Variants in HTRA3 observed in about 807,000 individuals in gnomAD.
HTRA3 encodes HtrA serine peptidase 3, also known as serine protease HTRA3.
HTRA3 carries 41 observed loss-of-function variants against 43.2 expected under a neutral mutation model. That is an observed-to-expected ratio of 0.95 (90% CI 0.74 to 1.23). The LOEUF is 1.23. Among genes scored for constraint, HTRA3 ranks in the 50% most tolerant of loss-of-function variants. The probability of loss-of-function intolerance (pLI) is 0.00; values close to 1 mark genes in which losing one functional copy is unlikely to be tolerated. For missense variants in HTRA3, 628 were observed against 647.1 expected (o/e 0.97, Z 0.32); for synonymous variants, 295 against 287.9 (o/e 1.02, Z -0.25).
intron 8 of HTRA3, 32 bp downstream of exon 8, chr4:8,304,311 A>T: frequency 6.3e-7 from 1 of 1,577,852 alleles, no homozygotes; most frequent in South Asian, 1.1e-5. Flanking sequence ...CGCTCGAGGC[A>T]TGGGGCAGGC....
rs999693404 is a variant in HTRA3 at position 8,286,222 on chromosome 4, G to A, written c.486-339G>A. 6.6e-6 allele frequency among the ~76,000 whole-genome samples: 1 copy of A among 152,186 alleles called. No individual in the cohort carries two copies. The highest frequency in any genetic ancestry group is 2.4e-5 in the African/African-American group (1 of 41,444). ...AGATAATAAGTGGGTCCTGGACTTGGGATTAGCATCCTGGTCTGTCTGGCT... is the reference window on the plus strand; with the variant it reads ...AGATAATAAGTGGGTCCTGGACTTGAGATTAGCATCCTGGTCTGTCTGGCT... On this transcript the variant is annotated intron_variant, in intron 2 of 8. Transcript: ENST00000307358. This position sits in a 1 kb window ranked among gnomAD's most constrained non-coding sequence, Gnocchi z 4.9.
Position 8,296,492 on chromosome 4 carries a change from T to C in HTRA3, c.1051+2291T>C, listed in dbSNP as rs367901454. 3.5e-5 allele frequency: 34 copies of C among 985,158 alleles called. No individual in the cohort carries two copies. The East Asian group carries it at 1.1e-3, about 33-fold the overall frequency. The allele number at this position is 985,158 out of a possible 1,614,324, so 61.0% of individuals were successfully genotyped here. On this transcript the variant is annotated intron_variant, in intron 6 of 8. Coordinates refer to ENST00000307358, the MANE Select transcript of HTRA3 (RefSeq NM_053044.5). The surrounding 1 kb of genome is among the most constrained non-coding windows in gnomAD (Gnocchi z 5.3). ...GATCCAAACCCAGTTAATCTAAAGT[T>C]CTTTGAAATGAACCATCTTTTTATT...
intron 2 of HTRA3, among the ~76,000 whole-genome samples, chr4:8,284,022 G>A (rs1712861261): frequency 6.6e-6 from 1 of 152,202 alleles, no homozygotes; most frequent in Admixed American, 6.5e-5. Flanking sequence ...GGGTGTGAGA[G>A]CGCGTGACGG....
In HTRA3 at chr4:8,306,058, C is replaced by T. The variant is rs373070990; in HGVS notation, c.1284C>T (p.Thr428=). ...DSSELQEAVL[T]ESPLLLEVRR... ...GTGAGCTGCAGGAGGCCGTGCTGACCGAGTCTCCTCTCCTACTGGAGGTGC... is the reference window on the plus strand; with the variant it reads ...GTGAGCTGCAGGAGGCCGTGCTGACTGAGTCTCCTCTCCTACTGGAGGTGC... The change falls in exon 9 of 9, where the codon ACC becomes ACT. Residue 428 remains threonine (T), a synonymous_variant. Transcript: ENST00000307358. The surrounding 1 kb of genome is among the most constrained non-coding windows in gnomAD (Gnocchi z 8.9). The T allele has an allele frequency of 9.3e-6, 15 of 1,612,364 alleles. No individual in the cohort carries two copies. Among genetic ancestry groups the T allele is most frequent in the African/African-American group, 2.7e-5 (2 of 74,694 alleles).
intron 5 of HTRA3, among the ~76,000 whole-genome samples, chr4:8,293,114 A>G (rs756360018): frequency 2.0e-5 from 3 of 152,192 alleles, no homozygotes; most frequent in Admixed American, 6.5e-5. Flanking sequence ...GGGGACAATG[A>G]AAGGGGCTGG....
intron 1 of HTRA3, among the ~76,000 whole-genome samples, chr4:8,280,333 G>T (rs370785976): frequency 7.2e-5 from 11 of 152,132 alleles, no homozygotes; most frequent in African/African-American, 2.2e-4. Flanking sequence ...GGGCCTGGGG[G>T]TTGCCCTGGG....
intron 5 of HTRA3, among the ~76,000 whole-genome samples, 164 bp from the exon 6 acceptor site, chr4:8,293,923 C>T (rs1457168633): frequency 6.6e-6 from 1 of 151,936 alleles, no homozygotes; most frequent in Non-Finnish European, 1.5e-5. Flanking sequence ...GGGTCACTGA[C>T]ACAGGTGTGA....
chr4:8,293,218 C>T (rs1208941025), intron 5 of HTRA3, among the ~76,000 whole-genome samples: 1 of 152,130 alleles, frequency 6.6e-6, no homozygotes, highest in Non-Finnish European at 1.5e-5. Context: ...GGGCTGAGGC[C>T]GTGCCCTGGT....
At chr4:8,272,575 G>A (rs893120126) in intron 1 of HTRA3, among the ~76,000 whole-genome samples, 2 of 152,242 alleles carry the variant, frequency 1.3e-5, no homozygotes, top group Non-Finnish European at 2.9e-5. Context: ...TGCCTGATGG[G>A]CAACCCCCAG....
Position 8,295,654 on chromosome 4 carries a change from A to G in HTRA3, c.1051+1453A>G. 7.2e-7 allele frequency: 1 copy of G among 1,384,742 alleles called. No individual in the cohort carries two copies. The highest frequency in any genetic ancestry group is 9.4e-7 in the Non-Finnish European group (1 of 1,064,812). The allele number at this position is 1,384,742 out of a possible 1,614,324, so 85.8% of individuals were successfully genotyped here. A position where few individuals can be genotyped will look rare whatever the true frequency, so the allele number is the denominator to read the frequency against. ...CCTGGCCAACGCCCAGGCCTGACTC[A>G]GCAACTCACACTTCCACATTGCTTT... is the stretch of plus-strand genomic sequence containing the variant. On this transcript the variant is annotated intron_variant, in intron 6 of 8. Transcript: ENST00000307358. This position sits in a 1 kb window ranked among gnomAD's most constrained non-coding sequence, Gnocchi z 6.9.
At chr4:8,292,826 C>G (rs1383866346) in intron 5 of HTRA3, among the ~76,000 whole-genome samples, 2 of 152,138 alleles carry the variant, frequency 1.3e-5, no homozygotes. Context: ...ATCGGACGGT[C>G]CCACCCCTGA....
chr4:8,280,745 C>A (rs187103626), intron 1 of HTRA3, among the ~76,000 whole-genome samples: 7 of 152,158 alleles, frequency 4.6e-5, no homozygotes, highest in Admixed American at 4.6e-4. Context: ...GCCGGCGTCT[C>A]CCAGCCAGGC....
chr4:8,282,585 C>A, intron 2 of HTRA3, 49 bp downstream of exon 2: 2 of 1,399,378 alleles, frequency 1.4e-6, no homozygotes, highest in Non-Finnish European at 2.0e-6. Context: ...TCCCCTGGTA[C>A]ACCCGCCAGC....
chr4:8,291,620 C>G, intron 4 of HTRA3, 56 bp downstream of exon 4: 2 of 1,334,382 alleles, frequency 1.5e-6, no homozygotes, highest in Non-Finnish European at 2.0e-6. Context: ...AAGACCTCAA[C>G]CTCGAGGTGG....
chr4:8,305,790 C>G (rs1327510252), intron 8 of HTRA3, among the ~76,000 whole-genome samples, 181 bp from the exon 9 acceptor site: 1 of 152,004 alleles, frequency 6.6e-6, no homozygotes, highest in East Asian at 1.9e-4. Context: ...GTTTCCCTGT[C>G]GTGTGACATT....
At chr4:8,292,125 A>G (rs1183189348) in intron 4 of HTRA3, among the ~76,000 whole-genome samples, 196 bp from the exon 5 acceptor site, 1 of 152,218 alleles carries the variant, frequency 6.6e-6, no homozygotes, top group Non-Finnish European at 1.5e-5. Flanking sequence ...AGTGACAGTC[A>G]GACCTCGGTC....
intron 8 of HTRA3, 150 bp from the exon 9 acceptor site, chr4:8,305,821 G>A (rs1380070172): frequency 2.5e-6 from 2 of 787,862 alleles, no homozygotes; most frequent in Non-Finnish European, 4.2e-6. Context: ...TGGTGTGAGA[G>A]CTTTGGGGCT....
Position 8,282,419 on chromosome 4 carries a change from C to T in HTRA3, c.386-18C>T, listed in dbSNP as rs747157994. The T allele has an allele frequency of 1.3e-6, 2 of 1,599,308 alleles. No individual in the cohort carries two copies. Among genetic ancestry groups the T allele is most frequent in the East Asian group, 2.3e-5 (1 of 44,352 alleles). ...ATCGTGATCTCACTGATGCACCTGG[C>T]CCTTCCCGCCAGCGCAGGTCTCCAC... is the stretch of plus-strand genomic sequence containing the variant. On this transcript the variant is annotated intron_variant, in intron 1 of 8. Transcript: ENST00000307358.
Position 8,282,546 on chromosome 4 carries a change from T to C in HTRA3, c.485+10T>C. ...TAGAGCTCTTCCTGAGGTGGGTGAA[T>C]ACCCCTCGCCCCTCTCTGCCTCCTG... is the stretch of plus-strand genomic sequence containing the variant. On this transcript the variant is annotated intron_variant, in intron 2 of 8. Transcript: ENST00000307358. 11 of 1,591,846 alleles carry C rather than the reference T, an allele frequency of 6.9e-6. No homozygotes were observed. Among genetic ancestry groups the C allele is most frequent in the Middle Eastern group, 1.7e-4 (1 of 6,028 alleles).
Sources: allele counts gnomAD v4.1 joint callset (sites outside exome capture counted in the v4.1 genomes callset), GRCh38; gene constraint gnomAD v4.1.1; non-coding constraint Gnocchi (gnomAD v3.1); transcripts MANE v1.5; gene names NCBI Gene and HGNC (gene_info 2026-07-23, HGNC 2026-07-21).